NPHP4: variants seen among roughly 807,000 people sequenced by gnomAD.
NPHP4 encodes nephrocystin-4.
NPHP4 carries 151 observed loss-of-function variants against 155.8 expected under a neutral mutation model. The ratio of observed to expected loss-of-function variants is 0.97; its 90% CI spans 0.85 to 1.11. The LOEUF (loss-of-function observed/expected upper bound fraction) is 1.11. Among genes scored for constraint, NPHP4 ranks in the 50% least tolerant of loss-of-function variants. The probability of loss-of-function intolerance (pLI) is 0.00; values close to 1 mark genes in which losing one functional copy is unlikely to be tolerated. For synonymous variants in NPHP4, 845 were observed against 816.8 expected (o/e 1.03, Z -0.59); for missense variants, 1,956 against 1,925.7 (o/e 1.02, Z -0.29).
rs1356833596 is a variant in NPHP4, at chr1:5,874,510, C to T, written c.3192G>A (p.Lys1064=). ...RPHETAHVPF[K]FQSFSAGQLA... The stretch of plus-strand genomic sequence containing the variant: ...GCTGCCCTGCAGAGAAGCTCTGGAA[C>T]TTGAAGGGGACGTGGGCGGTCTCGT... Residue 1064 remains lysine (K), a synonymous_variant, in exon 22 of 30, where the codon AAG becomes AAA. Transcript: ENST00000378156. 2.5e-6 allele frequency: 4 copies of T among 1,575,848 alleles called. No individual in the cohort carries two copies. The highest frequency in any genetic ancestry group is 3.6e-5 in the Admixed American group (2 of 54,978).
At chr1:5,939,834 G>T (rs1646733075) in intron 9 of NPHP4, among the ~76,000 whole-genome samples, 1 of 152,202 alleles carries the variant, frequency 6.6e-6, no homozygotes, top group African/African-American at 2.4e-5. Context: ...GAACTTGGGA[G>T]CAAGAAGCTT....
chr1:5,909,231 G>C lies in NPHP4; in HGVS notation c.1442-18C>G. On this transcript the variant is annotated intron_variant, in intron 11 of 29. Transcript: ENST00000378156. ...TGGCGGGCCTGGGAGGAAGCACAGT[G>C]GGGTAGGAGAGGGAATGTGTCAGCC... is the stretch of plus-strand genomic sequence containing the variant. 6.3e-7 allele frequency: 1 copy of C among 1,594,216 alleles called. No individual in the cohort carries two copies. Among genetic ancestry groups the C allele is most frequent in the Non-Finnish European group, 8.6e-7 (1 of 1,169,500 alleles).
intron 10 of NPHP4, among the ~76,000 whole-genome samples, chr1:5,930,400 G>T (rs1023627746): frequency 6.6e-6 from 1 of 152,128 alleles, no homozygotes; most frequent in Admixed American, 6.5e-5. Flanking sequence ...ACTGAATTAA[G>T]ATCTTTTTTC....
chr1:5,972,625 A>G (rs1379841794), intron 3 of NPHP4, among the ~76,000 whole-genome samples: 1 of 152,162 alleles, frequency 6.6e-6, no homozygotes, highest in African/African-American at 2.4e-5. Context: ...GCTTATGGAA[A>G]AGCACATGAC....
chr1:5,985,392 A>G (rs985003788), intron 2 of NPHP4, among the ~76,000 whole-genome samples: 21 of 152,252 alleles, frequency 1.4e-4, no homozygotes, highest in Admixed American at 6.5e-4. Context: ...CCGCCAGCTG[A>G]AGGGCACAGA....
At chr1:5,916,049 C>T (rs1240016594) in intron 11 of NPHP4, among the ~76,000 whole-genome samples, 4 of 152,194 alleles carry the variant, frequency 2.6e-5, no homozygotes, top group African/African-American at 9.7e-5. Flanking sequence ...ACCCCTTCTA[C>T]ATGGCTGTTT....
chr1:5,866,970 G>T, intron 25 of NPHP4, 60 bp downstream of exon 25: 1 of 1,341,356 alleles, frequency 7.5e-7, no homozygotes, highest in South Asian at 1.2e-5. Context: ...TGGGGAAGCC[G>T]ACAGGGGCGC....
intron 5 of NPHP4, among the ~76,000 whole-genome samples, chr1:5,966,903 T>C (rs140012692): frequency 6.6e-6 from 1 of 152,342 alleles, no homozygotes; most frequent in Non-Finnish European, 1.5e-5. Context: ...CGACCCCTGC[T>C]CTGCTCTAAG....
intron 16 of NPHP4, among the ~76,000 whole-genome samples, chr1:5,896,522 G>A (rs866743449): frequency 1.3e-5 from 2 of 152,260 alleles, no homozygotes; most frequent in Admixed American, 6.5e-5. Context: ...CATTCTATAC[G>A]TTGTTAGGCA....
At chr1:5,883,774 C>T (rs1643522917) in intron 18 of NPHP4, among the ~76,000 whole-genome samples, 1 of 152,226 alleles carries the variant, frequency 6.6e-6, no homozygotes, top group Admixed American at 6.5e-5. Context: ...TCTGGTCCAC[C>T]CACATCTGAC....
chr1:5,925,224 C>G (rs941904605), intron 11 of NPHP4, among the ~76,000 whole-genome samples: 1 of 152,168 alleles, frequency 6.6e-6, no homozygotes, highest in African/African-American at 2.4e-5. Flanking sequence ...GCACTGAACA[C>G]GTACAGACTC....
chr1:5,992,067 G>A (rs1156365295), intron 1 of NPHP4, among the ~76,000 whole-genome samples, 177 bp downstream of exon 1: 3 of 150,984 alleles, frequency 2.0e-5, no homozygotes, highest in East Asian at 4.0e-4. Context: ...GACAGCCCCC[G>A]CCGCGCGCCA....
At chr1:5,908,803 CAA>C (rs1224341983) in intron 12 of NPHP4, among the ~76,000 whole-genome samples, 1 of 152,216 alleles carries the variant, frequency 6.6e-6, no homozygotes, top group Non-Finnish European at 1.5e-5. Context: ...TCTGGGAGAG[CAA>C]AGAGGGTGAG....
intron 9 of NPHP4, 146 bp downstream of exon 9, chr1:5,946,958 G>T: frequency 1.1e-6 from 1 of 889,618 alleles, no homozygotes; most frequent in Non-Finnish European, 1.8e-6. Context: ...ACAATCAGCT[G>T]ATAAATGTCA....
At chr1:5,938,010 A>G (rs781224399) in intron 9 of NPHP4, among the ~76,000 whole-genome samples, 7 of 152,168 alleles carry the variant, frequency 4.6e-5, no homozygotes, top group Non-Finnish European at 8.8e-5. Flanking sequence ...CCTGTGCACC[A>G]GCTCCCACCC....
chr1:5,909,469 G>A (rs529996311), intron 11 of NPHP4, among the ~76,000 whole-genome samples: 7 of 152,278 alleles, frequency 4.6e-5, no homozygotes, highest in Non-Finnish European at 8.8e-5. Context: ...TGTTCTTCCT[G>A]GGCCAGCAGG....
chr1:5,891,223 T>C (rs1644108362), intron 16 of NPHP4, among the ~76,000 whole-genome samples, 195 bp from the exon 17 acceptor site: 3 of 152,246 alleles, frequency 2.0e-5, no homozygotes. Flanking sequence ...GAAGACTACA[T>C]TTCTTTCGCA....
At chr1:5,875,209 C>CA (rs1642459650) in intron 20 of NPHP4, 109 bp from the exon 21 acceptor site, 1 of 842,692 alleles carries the variant, frequency 1.2e-6, no homozygotes, top group African/African-American at 1.7e-5. Context: ...CATTTCTCCA[C>CA]AAGCATCGCC....
At chr1:5,873,184 C>T in intron 23 of NPHP4, 68 bp downstream of exon 23, 2 of 1,364,982 alleles carry the variant, frequency 1.5e-6, no homozygotes, top group Non-Finnish European at 2.1e-6. Flanking sequence ...GAGAGAAGGA[C>T]ACAAGGGTCA....
Sources: gnomAD v4.1 joint callset for allele counts (sites outside exome capture counted in the v4.1 genomes callset) on GRCh38, gnomAD v4.1.1 for gene constraint, MANE v1.5 for transcripts, NCBI Gene and HGNC (gene_info 2026-07-23, HGNC 2026-07-21) for gene names.